Variants in RWDD4 observed in about 807,000 individuals in gnomAD.
RWDD4 encodes RWD domain-containing protein 4.
Under a neutral mutation model 30.0 loss-of-function variants are expected in RWDD4, and 16 were observed. The ratio of observed to expected loss-of-function variants is 0.53; its 90% CI spans 0.36 to 0.81. The LOEUF (loss-of-function observed/expected upper bound fraction) is 0.81, where lower values mean the gene tolerates loss of function less well. Among genes scored for constraint, RWDD4 ranks in the 30% least tolerant of loss-of-function variants. The pLI is 0.00. For missense variants in RWDD4, 170 were observed against 223.9 expected, an observed-to-expected ratio of 0.76 and a Z score of 1.54; for synonymous variants, 45 against 72.1, an observed-to-expected ratio of 0.62 and a Z score of 1.90.
Position 183,650,987 on chromosome 4 carries a change from G to T in RWDD4, c.360C>A (p.Ser120=), listed in dbSNP as rs375063529. Residue 120 remains serine (S), a synonymous_variant, in exon 4 of 8, where the codon TCC becomes TCA. Transcript: ENST00000326397. The stretch of plus-strand genomic sequence containing the variant: ...AAAAAAATAATCACATACTCACTGC[G>T]GAATTGATGGGATTGTGATTCTCCA... ...QFMENHNPIN[S]ATSISNIISI... 4.4e-6 allele frequency: 7 copies of T among 1,608,600 alleles called. No homozygotes were observed. The highest frequency in any genetic ancestry group is 5.9e-6 in the Non-Finnish European group (7 of 1,178,170).
At chr4:183,652,905 G>T (rs1183948237) in intron 2 of RWDD4, among the ~76,000 whole-genome samples, 1 of 151,712 alleles carries the variant, frequency 6.6e-6, no homozygotes, top group East Asian at 2.0e-4. Context: ...AAAACTTTCT[G>T]TAGAGACAAG....
chr4:183,641,835 A>T (rs1224513169), intron 7 of RWDD4, among the ~76,000 whole-genome samples: 3 of 152,330 alleles, frequency 2.0e-5, no homozygotes, highest in Non-Finnish European at 2.9e-5. Flanking sequence ...TAAAATTTTT[A>T]AAAAATAATT....
chr4:183,653,418 AAT>A, intron 2 of RWDD4, among the ~76,000 whole-genome samples: 1 of 152,150 alleles, frequency 6.6e-6, no homozygotes, highest in African/African-American at 2.4e-5. Flanking sequence ...AAAAAAAAAA[AAT>A]CATCATCGTC....
At position 183,646,532 on chromosome 4, in the gene RWDD4, T is replaced by C; in HGVS notation, c.487A>G (p.Lys163Glu). ...KRKLADKTDH[K>E]GELPRGWNWV... Reference sequence around the variant, plus strand: ...TTCCAGCCTCGAGGAAGTTCTCCTTTGTGATCTAGAAGATAAAAAATAGTA... The same window carrying C: ...TTCCAGCCTCGAGGAAGTTCTCCTTCGTGATCTAGAAGATAAAAAATAGTA... Residue 163 changes from lysine to glutamate, a missense_variant, in exon 6 of 8, where the codon AAA becomes GAA. Transcript: ENST00000326397. 6.2e-7 allele frequency: 1 copy of C among 1,611,208 alleles called. No individual in the cohort carries two copies. The highest frequency in any genetic ancestry group is 8.5e-7 in the Non-Finnish European group (1 of 1,179,390).
At position 183,655,902 on chromosome 4, in the gene RWDD4, A is replaced by G. The variant is rs779933713; in HGVS notation, c.84T>C (p.Ser28=). The change falls in exon 2 of 8, where the codon AGT becomes AGC. Residue 28 remains serine, a synonymous_variant. Coordinates refer to ENST00000326397, the MANE Select transcript of RWDD4 (RefSeq NM_152682.4). ...TTACCCTATATTGAAAAGAAACTGG[A>G]CTTAATTCCCGGAAACTTTCATCTC... ...YEGDESFREL[S]PVSFQYRIGE... is the part of the protein sequence containing the mutation. 15 of 1,609,432 alleles carry G rather than the reference A, an allele frequency of 9.3e-6. No individual in the cohort carries two copies. The highest frequency in any genetic ancestry group is 5.5e-5 in the South Asian group (5 of 90,942).
chr4:183,646,612 T>C lies in RWDD4; in HGVS notation c.482-75A>G. On this transcript the variant is annotated intron_variant, in intron 5 of 7. Transcript: ENST00000326397. ...TTATAATAATTAAGATTTTATATAC[T>C]ACTGTACACAACAAATAGGTTAAAA... is the stretch of plus-strand genomic sequence containing the variant. The C allele has an allele frequency of 1.5e-5, 19 of 1,284,786 alleles. 1 individual carries two copies. In the South Asian group the frequency reaches 2.3e-4, roughly 15 times the overall value. 79.6% of individuals were successfully genotyped at this position (1,284,786 alleles called of 1,614,324 possible).
At chr4:183,644,008 T>C (rs1283043353) in intron 7 of RWDD4, among the ~76,000 whole-genome samples, 2 of 152,228 alleles carry the variant, frequency 1.3e-5, no homozygotes, top group African/African-American at 2.4e-5. Context: ...TTGTTACAAA[T>C]TGGAATTTTA....
intron 1 of RWDD4, among the ~76,000 whole-genome samples, chr4:183,658,545 C>T (rs1734268611): frequency 6.6e-6 from 1 of 152,204 alleles, no homozygotes; most frequent in South Asian, 2.1e-4. Flanking sequence ...AATTAGCCCT[C>T]TACTAGCCAA....
chr4:183,650,684 G>A (rs911871943), intron 4 of RWDD4, among the ~76,000 whole-genome samples: 5 of 151,976 alleles, frequency 3.3e-5, no homozygotes, highest in Admixed American at 1.3e-4. Flanking sequence ...AGCTGTTTAA[G>A]CTTTATGGAG....
intron 5 of RWDD4, 144 bp from the exon 6 acceptor site, chr4:183,646,681 A>G (rs916915090): frequency 1.0e-5 from 7 of 674,802 alleles, no homozygotes; most frequent in East Asian, 5.9e-5. Context: ...GTTTATCATT[A>G]TGAATCGATA....
In RWDD4 at chr4:183,655,971, A is replaced by G; in HGVS notation, c.25-10T>C. The G allele has an allele frequency of 6.3e-7, 1 of 1,581,128 alleles. No homozygotes were observed. The highest frequency in any genetic ancestry group is 8.7e-7 in the Non-Finnish European group (1 of 1,153,208). On this transcript the variant is annotated splice_polypyrimidine_tract_variant and intron_variant, in intron 1 of 7. Transcript: ENST00000326397. The stretch of plus-strand genomic sequence containing the variant: ...ATGCTTCTAGTTCCATCTGAAATAA[A>G]GAACTGAATGAGTTTTGTTTAGTGG...
rs563372232 is a variant in RWDD4 at position 183,646,197 on chromosome 4, C to T, written c.534+154G>A. On this transcript the variant is annotated intron_variant, in intron 7 of 7. Coordinates refer to ENST00000326397, the MANE Select transcript of RWDD4 (RefSeq NM_152682.4). Reference sequence around the variant, plus strand: ...GGGATTACAGGTGTGAGCCACTGTCCCCTAAGTATCTGCATTCTTAAGATG... The same window carrying T: ...GGGATTACAGGTGTGAGCCACTGTCTCCTAAGTATCTGCATTCTTAAGATG... Among the ~76,000 whole-genome samples the T allele has an allele frequency of 2.6e-5, 4 of 152,088 alleles. No homozygotes were observed. The East Asian group carries it at 7.7e-4, about 29-fold the overall frequency.
At chr4:183,645,600 A>C (rs1579124046) in intron 7 of RWDD4, among the ~76,000 whole-genome samples, 1 of 24,568 alleles carries the variant, frequency 4.1e-5, no homozygotes, top group African/African-American at 1.8e-4. Flanking sequence ...CTGTCTCTGC[A>C]AAAAAAAAAA....
intron 5 of RWDD4, among the ~76,000 whole-genome samples, chr4:183,647,973 G>A (rs114871983): frequency 0.049 from 7,476 of 152,232 alleles, 249 homozygotes; most frequent in Middle Eastern, 0.11. Flanking sequence ...GGCCGGATGC[G>A]GTGGCTCAAG....
rs1734183184 is a variant in RWDD4, at chr4:183,655,878, T to C, written c.105+3A>G. The C allele has an allele frequency of 1.3e-6, 2 of 1,589,424 alleles. No homozygotes were observed. Among genetic ancestry groups the C allele is most frequent in the Non-Finnish European group, 1.7e-6 (2 of 1,159,784 alleles). On this transcript the variant is annotated splice_donor_region_variant and intron_variant, in intron 2 of 7. Coordinates refer to ENST00000326397, the MANE Select transcript of RWDD4 (RefSeq NM_152682.4). The stretch of plus-strand genomic sequence containing the variant: ...AAGTGCTCTTATTCATGCCATGTCT[T>C]ACCCTATATTGAAAAGAAACTGGAC...
chr4:183,647,797 G>C (rs892069296), intron 5 of RWDD4, among the ~76,000 whole-genome samples: 1 of 152,128 alleles, frequency 6.6e-6, no homozygotes, highest in African/African-American at 2.4e-5. Context: ...TAGGTAGAAT[G>C]AATTCTTAGA....
At chr4:183,650,483 C>T (rs1039320137) in intron 4 of RWDD4, among the ~76,000 whole-genome samples, 2 of 152,146 alleles carry the variant, frequency 1.3e-5, no homozygotes, top group Non-Finnish European at 2.9e-5. Flanking sequence ...TACACAGATG[C>T]TTAACGTCAT....
chr4:183,646,806 T>C (rs1384979458), intron 5 of RWDD4, among the ~76,000 whole-genome samples: 3 of 152,242 alleles, frequency 2.0e-5, no homozygotes, highest in Admixed American at 6.5e-5. Context: ...GATGGGTTGG[T>C]AATGCCAGGA....
chr4:183,645,771 A>C (rs867666302), intron 7 of RWDD4, among the ~76,000 whole-genome samples: 6 of 152,204 alleles, frequency 3.9e-5, no homozygotes, highest in South Asian at 2.1e-4. Context: ...AAAACAAAAA[A>C]CAAAAACCAA....
Sources: gnomAD v4.1 joint callset for allele counts (sites outside exome capture counted in the v4.1 genomes callset) on GRCh38, gnomAD v4.1.1 for gene constraint, MANE v1.5 for transcripts, NCBI Gene and HGNC (gene_info 2026-07-23, HGNC 2026-07-21) for gene names.